The following CAMK4 variants were observed in gnomAD, a reference collection of about 807,000 sequenced individuals.
The protein encoded by CAMK4 is calcium/calmodulin dependent protein kinase IV, also known as calcium/calmodulin-dependent protein kinase type IV.
CAMK4 carries 22 observed loss-of-function variants against 44.9 expected under a neutral mutation model. The ratio of observed to expected loss-of-function variants is 0.49; its 90% CI spans 0.35 to 0.70. The LOEUF (loss-of-function observed/expected upper bound fraction) is 0.70. CAMK4 is among the 30% of genes least tolerant of loss of function. The pLI is 0.01. For synonymous variants in CAMK4, 218 were observed against 215.4 expected (o/e 1.01, Z -0.11); for missense variants, 498 against 586.8 (o/e 0.85, Z 1.56).
chr5:111,292,288 T>G (rs1561389932), intron 1 of CAMK4, among the ~76,000 whole-genome samples: 1 of 152,216 alleles, frequency 6.6e-6, no homozygotes, highest in East Asian at 1.9e-4. Flanking sequence ...TTTAAATGTA[T>G]CTAAGTGCCT....
At chr5:111,420,401 T>C (rs1343943535) in intron 5 of CAMK4, among the ~76,000 whole-genome samples, 1 of 152,098 alleles carries the variant, frequency 6.6e-6, no homozygotes, top group Non-Finnish European at 1.5e-5. Flanking sequence ...ACAATTTGAC[T>C]TCCTCTTTTC....
chr5:111,263,523 T>C (rs992346443), intron 1 of CAMK4, among the ~76,000 whole-genome samples: 1 of 152,222 alleles, frequency 6.6e-6, no homozygotes. Context: ...CCAAACCTTA[T>C]CATCATTGCC....
chr5:111,301,407 C>T (rs1747714041), intron 1 of CAMK4, among the ~76,000 whole-genome samples: 1 of 152,120 alleles, frequency 6.6e-6, no homozygotes, highest in Admixed American at 6.5e-5. Context: ...CTGACTTGCT[C>T]CTACATGGAT....
chr5:111,473,480 T>A (rs1755135435), intron 8 of CAMK4, 94 bp downstream of exon 8: 3 of 793,200 alleles, frequency 3.8e-6, no homozygotes, highest in Non-Finnish European at 6.2e-6. Context: ...TAAAGATTAC[T>A]TTTTGCCTTT....
intron 1 of CAMK4, among the ~76,000 whole-genome samples, chr5:111,228,569 A>G (rs1352576098): frequency 6.6e-6 from 1 of 151,576 alleles, no homozygotes; most frequent in Non-Finnish European, 1.5e-5. Context: ...ACAATTTCAT[A>G]AAACAGTGTT....
Position 111,309,557 on chromosome 5 carries a change from G to A in CAMK4, c.162-34467G>A, listed in dbSNP as rs60971691. ...AATCTAGGAGTGAGAACTGACTCTG[G>A]TTCTGAGCCATTAACAATCCATTTT... On this transcript the variant is annotated intron_variant, in intron 1 of 10. Coordinates refer to ENST00000282356, the MANE Select transcript of CAMK4 (RefSeq NM_001744.6). Among the ~76,000 whole-genome samples the A allele has an allele frequency of 2.6e-5, 4 of 152,162 alleles. No homozygotes were observed. In the East Asian group the frequency reaches 7.7e-4, roughly 29 times the overall value.
chr5:111,257,056 A>T (rs1749773302), intron 1 of CAMK4, among the ~76,000 whole-genome samples: 1 of 152,254 alleles, frequency 6.6e-6, no homozygotes, highest in Non-Finnish European at 1.5e-5. Flanking sequence ...CCCTAGAAGA[A>T]AATCTAGGTG....
At chr5:111,377,760 G>A (rs1230435539) in intron 4 of CAMK4, among the ~76,000 whole-genome samples, 1 of 152,094 alleles carries the variant, frequency 6.6e-6, no homozygotes, top group African/African-American at 2.4e-5. Context: ...ATGGTAAGAA[G>A]CCATGCGTGA....
intron 5 of CAMK4, among the ~76,000 whole-genome samples, chr5:111,432,707 A>G (rs934392590): frequency 6.7e-6 from 1 of 149,248 alleles, no homozygotes; most frequent in African/African-American, 2.5e-5. Flanking sequence ...AGAAACATTT[A>G]TTAAGCACAA....
At chr5:111,407,149 C>A (rs781263196) in intron 5 of CAMK4, among the ~76,000 whole-genome samples, 1 of 151,928 alleles carries the variant, frequency 6.6e-6, no homozygotes, top group East Asian at 1.9e-4. Context: ...GTCAGGAGTT[C>A]GAAACCAGCC....
intron 4 of CAMK4, among the ~76,000 whole-genome samples, chr5:111,387,233 C>T (rs559276608): frequency 2.6e-5 from 4 of 152,222 alleles, no homozygotes; most frequent in East Asian, 1.9e-4. Context: ...TTAAATATTT[C>T]GTTGCTTCTA....
At chr5:111,259,332 C>A (rs755060023) in intron 1 of CAMK4, among the ~76,000 whole-genome samples, 1 of 152,154 alleles carries the variant, frequency 6.6e-6, no homozygotes, top group Non-Finnish European at 1.5e-5. Flanking sequence ...AAACTGAGAG[C>A]AGTCAGAGAA....
intron 2 of CAMK4, among the ~76,000 whole-genome samples, chr5:111,347,087 G>C (rs370434684): frequency 6.6e-6 from 1 of 152,000 alleles, no homozygotes; most frequent in Non-Finnish European, 1.5e-5. Context: ...TAAAGTAGAG[G>C]CTTACAAACA....
At chr5:111,281,261 C>T (rs1421459649) in intron 1 of CAMK4, among the ~76,000 whole-genome samples, 1 of 152,166 alleles carries the variant, frequency 6.6e-6, no homozygotes, top group East Asian at 1.9e-4. Flanking sequence ...GGCTTTGCTC[C>T]TGGGGGCTTA....
chr5:111,299,014 T>C (rs1431928976), intron 1 of CAMK4, among the ~76,000 whole-genome samples: 1 of 152,228 alleles, frequency 6.6e-6, no homozygotes, highest in African/African-American at 2.4e-5. Flanking sequence ...TTAGCTGGGA[T>C]CCTAGTAGTG....
intron 1 of CAMK4, among the ~76,000 whole-genome samples, chr5:111,309,167 A>T (rs928787457): frequency 1.3e-5 from 2 of 152,238 alleles, no homozygotes; most frequent in African/African-American, 4.8e-5. Context: ...CTGAGGGCAC[A>T]TCGCTTAACA....
intron 1 of CAMK4, among the ~76,000 whole-genome samples, chr5:111,258,671 C>T (rs1037729171): frequency 6.6e-6 from 1 of 151,382 alleles, no homozygotes; most frequent in Non-Finnish European, 1.5e-5. Context: ...CTGGGAGATA[C>T]AATTCAAGTT....
In CAMK4 at chr5:111,277,255, C is replaced by CACTT. The variant is rs562954807; in HGVS notation, c.161+52614_161+52617dup. On this transcript the variant is annotated intron_variant, in intron 1 of 10. Coordinates refer to ENST00000282356, the MANE Select transcript of CAMK4 (RefSeq NM_001744.6). The stretch of plus-strand genomic sequence containing the variant: ...GTTTTGGAGGCCACAGGCTTTCAAC[C>CACTT]ACTTACACTGGAGTCTAGTAGGAGC... Among the ~76,000 whole-genome samples, 3 of 152,324 alleles carry CACTT rather than the reference C, an allele frequency of 2.0e-5. No individual in the cohort carries two copies. In the East Asian group the frequency reaches 5.8e-4, roughly 29 times the overall value.
chr5:111,432,337 G>A (rs1182945385), intron 5 of CAMK4, among the ~76,000 whole-genome samples: 1 of 152,038 alleles, frequency 6.6e-6, no homozygotes, highest in African/African-American at 2.4e-5. Context: ...AGAGTAGAAG[G>A]ATGGTTACCA....
Sources: allele counts gnomAD v4.1 joint callset (sites outside exome capture counted in the v4.1 genomes callset), GRCh38; gene constraint gnomAD v4.1.1; transcripts MANE v1.5; gene names NCBI Gene and HGNC (gene_info 2026-07-23, HGNC 2026-07-21).